The following MSRB3 variants were observed in gnomAD, a reference collection of about 807,000 sequenced individuals.
The protein encoded by MSRB3 is methionine sulfoxide reductase B3, also known as methionine-R-sulfoxide reductase B3.
In MSRB3, 13 loss-of-function variants were observed where a neutral mutation model predicts 21.0. The observed-to-expected ratio is 0.62, with a 90% CI of 0.40 to 0.98. The LOEUF (loss-of-function observed/expected upper bound fraction) is 0.98. Among genes scored for constraint, MSRB3 ranks in the 50% least tolerant of loss-of-function variants. The probability of loss-of-function intolerance (pLI) is 0.00; values close to 1 mark genes in which losing one functional copy is unlikely to be tolerated. For missense variants in MSRB3, 199 were observed against 230.3 expected, an observed-to-expected ratio of 0.86 and a Z score of 0.88; for synonymous variants, 87 against 88.6, an observed-to-expected ratio of 0.98 and a Z score of 0.10.
chr12:65,312,115 A>T (rs537364810), intron 2 of MSRB3, among the ~76,000 whole-genome samples: 8 of 152,094 alleles, frequency 5.3e-5, no homozygotes, highest in Non-Finnish European at 1.0e-4. Flanking sequence ...CGTGACCTTG[A>T]ACAAATCAAT....
At chr12:65,312,626 TGAA>T (rs1443550618) in intron 2 of MSRB3, among the ~76,000 whole-genome samples, 1 of 152,096 alleles carries the variant, frequency 6.6e-6, no homozygotes, top group Non-Finnish European at 1.5e-5. Flanking sequence ...TTCCATGAAT[TGAA>T]GAGTCACATG....
intron 5 of MSRB3, among the ~76,000 whole-genome samples, chr12:65,442,070 A>G (rs1389802): frequency 0.014 from 2,142 of 152,196 alleles, 61 homozygotes; most frequent in African/African-American, 0.05. Flanking sequence ...AAGTTTTGAC[A>G]TATCATAAAA....
At chr12:65,448,990 A>G (rs1365223536) in intron 5 of MSRB3, among the ~76,000 whole-genome samples, 1 of 152,160 alleles carries the variant, frequency 6.6e-6, no homozygotes, top group Non-Finnish European at 1.5e-5. Flanking sequence ...CATTTTTTAA[A>G]TGAGATAGAC....
intron 2 of MSRB3, among the ~76,000 whole-genome samples, chr12:65,318,956 C>T (rs1435471777): frequency 6.6e-6 from 1 of 152,098 alleles, no homozygotes; most frequent in Non-Finnish European, 1.5e-5. Flanking sequence ...ATCGTACAGT[C>T]ATTCGGGTGA....
chr12:65,286,126 A>G (rs910125648), intron 1 of MSRB3: 1 of 152,218 alleles, frequency 6.6e-6, no homozygotes, highest in Non-Finnish European at 1.5e-5. Flanking sequence ...ATTCTCATAT[A>G]TTTGGAAAGT....
intron 1 of MSRB3, among the ~76,000 whole-genome samples, chr12:65,295,935 A>G (rs1419223058): frequency 6.6e-6 from 1 of 152,222 alleles, no homozygotes; most frequent in Admixed American, 6.5e-5. Flanking sequence ...AAGCCCTAGA[A>G]CAGATTTATT....
intron 2 of MSRB3, among the ~76,000 whole-genome samples, chr12:65,310,088 G>C (rs1281959058): frequency 6.6e-6 from 1 of 151,980 alleles, no homozygotes; most frequent in Admixed American, 6.6e-5. Context: ...GAAGGAGTAA[G>C]GTATTTGTCT....
intron 5 of MSRB3, among the ~76,000 whole-genome samples, chr12:65,381,765 A>G (rs1459108266): frequency 6.6e-6 from 1 of 151,998 alleles, no homozygotes; most frequent in Non-Finnish European, 1.5e-5. Context: ...TTGCTTAATG[A>G]TTGCTAGTCT....
At chr12:65,313,568 G>T (rs915433425) in intron 2 of MSRB3, among the ~76,000 whole-genome samples, 2 of 151,868 alleles carry the variant, frequency 1.3e-5, no homozygotes, top group Non-Finnish European at 2.9e-5. Context: ...CTTCAAAGGG[G>T]GTTCTTTGAC....
At position 65,308,530 on chromosome 12, in the gene MSRB3, TCTTGCCC is replaced by T. The variant is rs767017242; in HGVS notation, c.-47_-41del. 9 of 1,613,744 alleles carry T rather than the reference TCTTGCCC, an allele frequency of 5.6e-6. No homozygotes were observed. Among genetic ancestry groups the T allele is most frequent in the Non-Finnish European group, 7.6e-6 (9 of 1,179,752 alleles). ...GTTTTTGTTTTTTCTCCTACTCAGCTCTTGCCCCTGTTCTTTGCTTCTCGTTTTGTTG... is the reference window on the plus strand; with the variant it reads ...GTTTTTGTTTTTTCTCCTACTCAGCTCTGTTCTTTGCTTCTCGTTTTGTTG... On this transcript the variant is annotated splice_region_variant and 5_prime_UTR_variant, in exon 2 of 7. The change abolishes the stop of an existing upstream ORF in the 5' untranslated region. Coordinates refer to ENST00000308259, the MANE Select transcript of MSRB3 (RefSeq NM_001031679.3).
chr12:65,445,800 C>T (rs1008772951), intron 5 of MSRB3, among the ~76,000 whole-genome samples: 4 of 152,020 alleles, frequency 2.6e-5, no homozygotes, highest in African/African-American at 9.6e-5. Context: ...CATGCACCAC[C>T]ATGCCCGGCT....
chr12:65,278,760 G>A lies in MSRB3; in HGVS notation c.-157G>A. Reference sequence around the variant, plus strand: ...GTTCGGACACCGGCGGCGGCTGCCTGGCCTTTCCATGAGCCCGCGGCGGAC... The same window carrying A: ...GTTCGGACACCGGCGGCGGCTGCCTAGCCTTTCCATGAGCCCGCGGCGGAC... On this transcript the variant is annotated 5_prime_UTR_variant, in exon 1 of 7. Coordinates refer to ENST00000308259, the MANE Select transcript of MSRB3 (RefSeq NM_001031679.3). The A allele has an allele frequency of 6.3e-7, 1 of 1,577,522 alleles. No homozygotes were observed. Among genetic ancestry groups the A allele is most frequent in the South Asian group, 1.2e-5 (1 of 86,206 alleles).
chr12:65,377,994 A>C (rs1370272042), intron 5 of MSRB3, among the ~76,000 whole-genome samples: 2 of 152,208 alleles, frequency 1.3e-5, no homozygotes, highest in Admixed American at 6.5e-5. Flanking sequence ...CACGCAGGAG[A>C]GCCATTCATC....
At chr12:65,330,306 A>G (rs1327777907) in intron 4 of MSRB3, among the ~76,000 whole-genome samples, 1 of 152,208 alleles carries the variant, frequency 6.6e-6, no homozygotes, top group Non-Finnish European at 1.5e-5. Flanking sequence ...TTCACATTTG[A>G]TGTGATATTG....
rs1029668450 is a variant in MSRB3 at position 65,319,892 on chromosome 12, A to T, written c.77-6934A>T. Among the ~76,000 whole-genome samples, 4 of 152,310 alleles carry T rather than the reference A, an allele frequency of 2.6e-5. 1 individual carries two copies. The highest frequency in any genetic ancestry group is 2.1e-4 in the South Asian group (1 of 4,832). On this transcript the variant is annotated intron_variant, in intron 2 of 6. Transcript: ENST00000308259. ...TAGCGGTGAACTTATCAGGATGTGT[A>T]GCCTTGGAAGGAAAACTTGCTTGAC... is the stretch of plus-strand genomic sequence containing the variant.
At chr12:65,447,314 A>G (rs1882662688) in intron 5 of MSRB3, among the ~76,000 whole-genome samples, 1 of 152,230 alleles carries the variant, frequency 6.6e-6, no homozygotes, top group South Asian at 2.1e-4. Flanking sequence ...CAGATGAAGG[A>G]AACTAAGAGC....
intron 2 of MSRB3, among the ~76,000 whole-genome samples, chr12:65,320,063 A>C (rs1199298803): frequency 6.6e-6 from 1 of 152,204 alleles, no homozygotes. Context: ...GCATGCTTAT[A>C]ATATCCATTG....
At position 65,463,367 on chromosome 12, in the gene MSRB3, T is replaced by C. The variant is rs1313609287; in HGVS notation, c.*45T>C. On this transcript the variant is annotated 3_prime_UTR_variant, in exon 7 of 7. Transcript: ENST00000308259. ...AACAAAGTGTACTTAATGCACAGCT[T>C]ATTAAAAAAATCAAAATTGTTATCT... 1.2e-5 allele frequency: 19 copies of C among 1,605,670 alleles called. No homozygotes were observed. Among genetic ancestry groups the C allele is most frequent in the Non-Finnish European group, 1.5e-5 (18 of 1,174,602 alleles).
intron 1 of MSRB3, among the ~76,000 whole-genome samples, chr12:65,291,066 T>C (rs1162681136): frequency 6.6e-6 from 1 of 152,080 alleles, no homozygotes; most frequent in African/African-American, 2.4e-5. Flanking sequence ...ATTATCTTTT[T>C]TCCTGTATTC....
Sources: allele counts gnomAD v4.1 joint callset (sites outside exome capture counted in the v4.1 genomes callset), GRCh38; gene constraint gnomAD v4.1.1; transcripts MANE v1.5; gene names NCBI Gene and HGNC (gene_info 2026-07-23, HGNC 2026-07-21).